CWC25: variants seen among roughly 807,000 people sequenced by gnomAD.
The protein encoded by CWC25 is CWC25 spliceosome associated protein.
In CWC25, 31 loss-of-function variants were observed where a neutral mutation model predicts 54.6. The observed-to-expected ratio is 0.57, with a 90% CI of 0.43 to 0.77. The LOEUF (loss-of-function observed/expected upper bound fraction) is 0.77. Among genes scored for constraint, CWC25 ranks in the 30% least tolerant of loss-of-function variants. CWC25 has a pLI of 0.00. For synonymous variants in CWC25, 151 were observed against 187.0 expected (o/e 0.81, Z 1.57); for missense variants, 453 against 529.3 (o/e 0.86, Z 1.41).
intron 3 of CWC25, 114 bp downstream of exon 3, chr17:38,814,745 CAA>C (rs71138658): frequency 0.047 from 20,816 of 440,428 alleles, no homozygotes; most frequent in South Asian, 0.058. Flanking sequence ...GACTCCGTCT[CAA>C]AAAAAAAAAA....
chr17:38,805,424 T>C (rs533209336), intron 8 of CWC25, among the ~76,000 whole-genome samples: 2 of 152,310 alleles, frequency 1.3e-5, no homozygotes, highest in African/African-American at 4.8e-5. Flanking sequence ...GTAGCATGAC[T>C]AAAAGTGGGA....
chr17:38,808,607 CCT>C (rs1911351314), intron 6 of CWC25, among the ~76,000 whole-genome samples: 1 of 139,242 alleles, frequency 7.2e-6, no homozygotes, highest in Non-Finnish European at 1.6e-5. Context: ...ATGGAGAAAC[CCT>C]GTCTCTATTA....
intron 2 of CWC25, among the ~76,000 whole-genome samples, chr17:38,818,990 T>C (rs1431745955): frequency 6.6e-6 from 1 of 151,180 alleles, no homozygotes; most frequent in African/African-American, 2.4e-5. Context: ...GACTAATGGG[T>C]ATTCAGTCTA....
chr17:38,818,777 T>C (rs1252128344), intron 2 of CWC25, among the ~76,000 whole-genome samples: 1 of 151,964 alleles, frequency 6.6e-6, no homozygotes, highest in East Asian at 1.9e-4. Context: ...TAAAATCACC[T>C]TCCCCCATTC....
In CWC25 at chr17:38,806,371, T is replaced by C. The variant is rs755110569; in HGVS notation, c.927A>G (p.Arg309=). ...ATGGGCTCCTAGTTTGGCCTGTCTCTCTCCTGTTCACCTTAGAGTTGTGCC... is the reference window on the plus strand; with the variant it reads ...ATGGGCTCCTAGTTTGGCCTGTCTCCCTCCTGTTCACCTTAGAGTTGTGCC... ...SKLHNSKVNR[R]ETGQTRSPSP... is the part of the protein sequence containing the mutation. The change falls in exon 8 of 10, where the codon AGA becomes AGG. Residue 309 remains arginine, a synonymous_variant. Transcript: ENST00000614790. The C allele has an allele frequency of 1.2e-6, 2 of 1,613,590 alleles. No individual in the cohort carries two copies. The highest frequency in any genetic ancestry group is 1.7e-6 in the Non-Finnish European group (2 of 1,179,792).
At chr17:38,818,912 G>C (rs903544441) in intron 2 of CWC25, among the ~76,000 whole-genome samples, 8 of 152,120 alleles carry the variant, frequency 5.3e-5, no homozygotes, top group South Asian at 4.1e-4. Flanking sequence ...TTGAGCACAT[G>C]ATGTGTAATG....
chr17:38,824,508 G>GAA, intron 1 of CWC25, among the ~76,000 whole-genome samples: 1 of 152,106 alleles, frequency 6.6e-6, no homozygotes, highest in African/African-American at 2.4e-5. Context: ...CCAACATGGA[G>GAA]AAACCCTGTC....
At chr17:38,819,660 T>G (rs1303715444) in intron 2 of CWC25, among the ~76,000 whole-genome samples, 1 of 150,348 alleles carries the variant, frequency 6.7e-6, no homozygotes, top group Non-Finnish European at 1.5e-5. Context: ...CGTGAGCCAC[T>G]GCACCCAGCC....
chr17:38,823,782 G>A (rs1345187976), intron 1 of CWC25, among the ~76,000 whole-genome samples: 1 of 152,002 alleles, frequency 6.6e-6, no homozygotes, highest in African/African-American at 2.4e-5. Context: ...AGATTATTTT[G>A]CTCCCCAGGG....
At chr17:38,817,422 G>A (rs576764625) in intron 2 of CWC25, among the ~76,000 whole-genome samples, 10 of 149,926 alleles carry the variant, frequency 6.7e-5, no homozygotes, top group African/African-American at 2.0e-4. Flanking sequence ...AGGCCTAGGC[G>A]GGCAGATCAC....
At chr17:38,806,676 G>T in intron 7 of CWC25, 89 bp downstream of exon 7, 1 of 1,162,670 alleles carries the variant, frequency 8.6e-7, no homozygotes, top group Non-Finnish European at 1.2e-6. Flanking sequence ...GAAAGTCAAT[G>T]GACGGACATC....
chr17:38,822,753 G>A (rs1911973461), intron 1 of CWC25, among the ~76,000 whole-genome samples: 1 of 152,094 alleles, frequency 6.6e-6, no homozygotes. Flanking sequence ...AGCTGATGGT[G>A]CAGGGACGCA....
chr17:38,825,111 T>G, intron 1 of CWC25, 55 bp downstream of exon 1: 227 of 796,754 alleles, frequency 2.8e-4, no homozygotes, highest in Non-Finnish European at 3.7e-4. Flanking sequence ...CCCCACCCCC[T>G]GCCAATTTCC....
chr17:38,820,968 G>A lies in CWC25; in HGVS notation c.124C>T (p.Arg42Trp), dbSNP rs1911899908. 14 of 1,613,904 alleles carry A rather than the reference G, an allele frequency of 8.7e-6. No homozygotes were observed. Among genetic ancestry groups the A allele is most frequent in the Middle Eastern group, 1.6e-4 (1 of 6,062 alleles). ...AERKKIEELQ[R>W]ELREERAREE... ...CGGGCTCTCTCTTCTCGCAGCTCCC[G>A]CTGAAGCTCCTCAATCTTCTTCCGC... Residue 42 changes from arginine to tryptophan, a missense_variant, in exon 2 of 10, where the codon CGG becomes TGG. Arg to Trp is a moderately radical substitution (Grantham distance 101). Coordinates refer to ENST00000614790, the MANE Select transcript of CWC25 (RefSeq NM_017748.5).
At chr17:38,820,722 T>C (rs1372903717) in intron 2 of CWC25, among the ~76,000 whole-genome samples, 179 bp downstream of exon 2, 1 of 152,146 alleles carries the variant, frequency 6.6e-6, no homozygotes, top group African/African-American at 2.4e-5. Flanking sequence ...TAACCAAGTC[T>C]CTCAAATTTG....
At chr17:38,819,564 G>T (rs1440889041) in intron 2 of CWC25, among the ~76,000 whole-genome samples, 2 of 150,534 alleles carry the variant, frequency 1.3e-5, no homozygotes, top group African/African-American at 2.4e-5. Flanking sequence ...TAGAGATGGG[G>T]TTTCACCGTG....
At chr17:38,809,413 C>T (rs1446970550) in intron 6 of CWC25, among the ~76,000 whole-genome samples, 3 of 137,122 alleles carry the variant, frequency 2.2e-5, no homozygotes, top group Non-Finnish European at 3.1e-5. Flanking sequence ...GGGTGACAAG[C>T]GAGACTCCGT....
rs772757218 is a variant in CWC25 at position 38,820,928 on chromosome 17, C to T, written c.164G>A (p.Arg55His). The T allele has an allele frequency of 9.3e-6, 15 of 1,613,528 alleles. No homozygotes were observed. The highest frequency in any genetic ancestry group is 1.6e-4 in the Middle Eastern group (1 of 6,080). ...REERAREEMQRYAEDVGAVKK... is the reference protein window; with the variant it reads ...REERAREEMQHYAEDVGAVKK... ...GACGGCCCCAACATCCTCCGCATAG[C>T]GCTGCATCTCTTCCCGGGCTCTCTC... The change falls in exon 2 of 10, where the codon CGC becomes CAC. Residue 55 changes from arginine (R) to histidine (H), a missense_variant. Physicochemically the swap from Arg to His is conservative, Grantham distance 29 (BLOSUM62 0). Around this residue, in one of 2 missense-constraint regions of CWC25, gnomAD observed 444 missense variants for 499.2 expected, o/e 0.89. Transcript: ENST00000614790.
At chr17:38,802,469 A>T (rs7224911) in intron 9 of CWC25, among the ~76,000 whole-genome samples, 20,502 of 152,254 alleles carry the variant, frequency 0.13, 3,969 homozygotes, top group African/African-American at 0.43. Context: ...AATTCTTATT[A>T]AAAAGGAAGG....
Sources: gnomAD v4.1 joint callset for allele counts (sites outside exome capture counted in the v4.1 genomes callset) on GRCh38, gnomAD v4.1.1 for gene constraint, gnomAD v4.1.1 regional missense constraint, MANE v1.5 for transcripts, NCBI Gene and HGNC (gene_info 2026-07-23, HGNC 2026-07-21) for gene names.